The following GRID2 variants were observed in gnomAD, a reference collection of about 807,000 sequenced individuals.
The protein encoded by GRID2 is glutamate receptor ionotropic, delta-2.
In GRID2, 33 loss-of-function variants were observed where a neutral mutation model predicts 114.8. That is an observed-to-expected ratio of 0.29 (90% confidence interval 0.22 to 0.38). The LOEUF is 0.38. Among genes scored for constraint, GRID2 ranks in the 10% least tolerant of loss-of-function variants. GRID2 has a pLI of 1.00. For synonymous variants in GRID2, 505 were observed against 449.9 expected (o/e 1.12, Z -1.55); for missense variants, 1,184 against 1,257.7 (o/e 0.94, Z 0.89).
At chr4:93,344,137 A>C (rs1759944491) in intron 8 of GRID2, among the ~76,000 whole-genome samples, 1 of 152,032 alleles carries the variant, frequency 6.6e-6, no homozygotes, top group African/African-American at 2.4e-5. Context: ...TAAATTCAGA[A>C]GTAATAGGTA....
chr4:92,870,379 T>C (rs1745190864), intron 2 of GRID2, among the ~76,000 whole-genome samples: 1 of 152,040 alleles, frequency 6.6e-6, no homozygotes. Flanking sequence ...TGTTATTTTA[T>C]TCACGTTGAA....
In GRID2 at chr4:93,367,833, T is replaced by G. The variant is rs143950910; in HGVS notation, c.1246-27774T>G. 2.0e-5 allele frequency among the ~76,000 whole-genome samples: 3 copies of G among 152,292 alleles called. No individual in the cohort carries two copies. The East Asian group carries it at 5.8e-4, about 29-fold the overall frequency. ...CTAATGAGTTGAGTGATATCTCCAG[T>G]TAAATGTCACGATTGTGAGTGTTGG... On this transcript the variant is annotated intron_variant, in intron 8 of 15. Coordinates refer to ENST00000282020, the MANE Select transcript of GRID2 (RefSeq NM_001510.4).
At chr4:92,554,790 G>A (rs1373956661) in intron 1 of GRID2, among the ~76,000 whole-genome samples, 1 of 152,084 alleles carries the variant, frequency 6.6e-6, no homozygotes, top group African/African-American at 2.4e-5. Flanking sequence ...TCCCAATCAG[G>A]AGTATTGGTA....
intron 4 of GRID2, among the ~76,000 whole-genome samples, chr4:93,193,214 G>C (rs1741157793): frequency 6.6e-6 from 1 of 152,234 alleles, no homozygotes. Context: ...GTAGCTCCCA[G>C]AATTACAGTT....
intron 14 of GRID2, among the ~76,000 whole-genome samples, chr4:93,725,773 A>C (rs889953368): frequency 6.6e-6 from 1 of 152,068 alleles, no homozygotes; most frequent in Admixed American, 6.5e-5. Flanking sequence ...TGACTGCATA[A>C]ATGTCTTCTT....
At chr4:93,314,346 G>GA (rs1235538199) in intron 8 of GRID2, among the ~76,000 whole-genome samples, 1 of 130,530 alleles carries the variant, frequency 7.7e-6, no homozygotes, top group Non-Finnish European at 1.7e-5. Context: ...GAAGAAGAAT[G>GA]AAAAAAACAC....
intron 1 of GRID2, among the ~76,000 whole-genome samples, chr4:92,384,846 T>C (rs535230867): frequency 1.3e-5 from 2 of 149,890 alleles, no homozygotes; most frequent in Non-Finnish European, 1.5e-5. Flanking sequence ...CAGACGGTAT[T>C]GTCCGTAAAG....
At position 93,060,177 on chromosome 4, in the gene GRID2, T is replaced by A. The variant is rs909765990; in HGVS notation, c.245-24818T>A. On this transcript the variant is annotated intron_variant, in intron 2 of 15. Coordinates refer to ENST00000282020, the MANE Select transcript of GRID2 (RefSeq NM_001510.4). ...TGTGTAATTTGACAGCATTTTAGAC[T>A]CCCCAGTTAATGAGGTTAGCAGCAG... Among the ~76,000 whole-genome samples the A allele has an allele frequency of 2.6e-5, 4 of 152,276 alleles. No individual in the cohort carries two copies. The East Asian group carries it at 7.7e-4, about 29-fold the overall frequency.
chr4:93,664,972 C>A (rs1723824984), intron 14 of GRID2, among the ~76,000 whole-genome samples: 2 of 152,104 alleles, frequency 1.3e-5, no homozygotes, highest in South Asian at 2.1e-4. Context: ...ATCATCATGA[C>A]AGTAGGTGTG....
chr4:92,919,262 G>C (rs1362596226), intron 2 of GRID2, among the ~76,000 whole-genome samples: 1 of 151,534 alleles, frequency 6.6e-6, no homozygotes, highest in Non-Finnish European at 1.5e-5. Flanking sequence ...ATTAGTCTTG[G>C]TAGCTGTCTA....
intron 9 of GRID2, among the ~76,000 whole-genome samples, chr4:93,409,743 G>T (rs1040472196): frequency 1.3e-5 from 2 of 152,166 alleles, no homozygotes; most frequent in African/African-American, 4.8e-5. Context: ...TAAATTAATG[G>T]TTAAGAATAT....
At chr4:92,526,457 C>T (rs1008614085) in intron 1 of GRID2, among the ~76,000 whole-genome samples, 8 of 152,166 alleles carry the variant, frequency 5.3e-5, no homozygotes, top group African/African-American at 1.9e-4. Flanking sequence ...GATTCACCTG[C>T]CTCAGTCTCC....
Position 92,411,649 on chromosome 4 carries a change from G to A in GRID2, c.88+106905G>A, listed in dbSNP as rs1291169487. 5.7e-3 allele frequency among the ~76,000 whole-genome samples: 535 copies of A among 94,208 alleles called. 1 individual carries two copies. The highest frequency in any genetic ancestry group is 7.7e-3 in the Non-Finnish European group (365 of 47,116). The allele number at this position is 94,208 out of a possible 152,430, so 61.8% of individuals were successfully genotyped here. On this transcript the variant is annotated intron_variant, in intron 1 of 15. Transcript: ENST00000282020. ...CATGTGTGTGTGTGTGTGTGTGTGTGTGTGTGTATATATATATATATATAT... is the reference window on the plus strand; with the variant it reads ...CATGTGTGTGTGTGTGTGTGTGTGTATGTGTGTATATATATATATATATAT...
chr4:92,485,215 A>T (rs989659503), intron 1 of GRID2, among the ~76,000 whole-genome samples: 22 of 149,014 alleles, frequency 1.5e-4, no homozygotes, highest in African/African-American at 4.4e-4. Context: ...GAATATTCAA[A>T]TGTTTCTAAT....
intron 9 of GRID2, among the ~76,000 whole-genome samples, chr4:93,398,141 A>ATG (rs1765533015): frequency 9.5e-6 from 1 of 105,616 alleles, no homozygotes; most frequent in African/African-American, 6.1e-5. Flanking sequence ...GTGTATATAT[A>ATG]TATATATATA....
At chr4:92,646,761 A>ATATATATATATATATATATATAT (rs1731652810) in intron 2 of GRID2, among the ~76,000 whole-genome samples, 1 of 152,254 alleles carries the variant, frequency 6.6e-6, no homozygotes. Flanking sequence ...AGGGAATTTT[A>ATATATATATATATATATATATAT]AAATTGCACC....
chr4:92,735,018 A>G (rs889037988), intron 2 of GRID2, among the ~76,000 whole-genome samples: 3 of 151,890 alleles, frequency 2.0e-5, no homozygotes, highest in South Asian at 2.1e-4. Flanking sequence ...GGCTCAAGCA[A>G]TCCACCTTCC....
In GRID2 at chr4:92,934,023, G is replaced by T. The variant is rs1039747579; in HGVS notation, c.245-150972G>T. Reference sequence around the variant, plus strand: ...GATTGCAAGTATACACAGCAAGTTTGTAAATTTTTATTTTAATATCTCTAA... The same window carrying T: ...GATTGCAAGTATACACAGCAAGTTTTTAAATTTTTATTTTAATATCTCTAA... On this transcript the variant is annotated intron_variant, in intron 2 of 15. Coordinates refer to ENST00000282020, the MANE Select transcript of GRID2 (RefSeq NM_001510.4). Among the ~76,000 whole-genome samples, 6 of 151,676 alleles carry T rather than the reference G, an allele frequency of 4.0e-5. No homozygotes were observed. In the South Asian group the frequency reaches 8.3e-4, roughly 21 times the overall value.
At chr4:92,755,157 A>T (rs1243192849) in intron 2 of GRID2, among the ~76,000 whole-genome samples, 1 of 152,146 alleles carries the variant, frequency 6.6e-6, no homozygotes, top group African/African-American at 2.4e-5. Flanking sequence ...TGGGCATCAG[A>T]CTGGCTTTCT....
Sources: gnomAD v4.1 joint callset for allele counts (sites outside exome capture counted in the v4.1 genomes callset) on GRCh38, gnomAD v4.1.1 for gene constraint, MANE v1.5 for transcripts, NCBI Gene and HGNC (gene_info 2026-07-23, HGNC 2026-07-21) for gene names.